Variants in HHLA2 observed in about 807,000 individuals in gnomAD.
HHLA2 encodes the protein HHLA2 member of B7 family.
HHLA2 carries 48 observed loss-of-function variants against 45.9 expected under a neutral mutation model. That is an observed-to-expected ratio of 1.05 (90% confidence interval 0.83 to 1.33). The LOEUF is 1.33. Ranked by LOEUF, HHLA2 falls within the 40% of genes most tolerant of loss-of-function variation. The pLI, the probability that HHLA2 is intolerant of heterozygous loss-of-function variation, is 0.00. For missense variants in HHLA2, 462 were observed against 494.3 expected (o/e 0.93, Z 0.62); for synonymous variants, 161 against 173.9 (o/e 0.93, Z 0.59).
chr3:108,336,209 T>C (rs535710138), intron 3 of HHLA2, among the ~76,000 whole-genome samples: 1 of 152,174 alleles, frequency 6.6e-6, no homozygotes, highest in African/African-American at 2.4e-5. Flanking sequence ...TAGTTAGCCT[T>C]ATGACATTGT....
At chr3:108,364,164 C>CTGGG (rs1183413144) in intron 8 of HHLA2, among the ~76,000 whole-genome samples, 1 of 152,102 alleles carries the variant, frequency 6.6e-6, no homozygotes, top group African/African-American at 2.4e-5. Context: ...CTCCAACAGG[C>CTGGG]CCCAGTGTGT....
chr3:108,320,417 C>A (rs886969572), intron 2 of HHLA2, among the ~76,000 whole-genome samples: 1 of 152,122 alleles, frequency 6.6e-6, no homozygotes, highest in African/African-American at 2.4e-5. Flanking sequence ...AAAGCAATTG[C>A]GGTTTTTGTC....
intron 3 of HHLA2, among the ~76,000 whole-genome samples, chr3:108,335,452 C>A (rs1231421973): frequency 2.0e-5 from 3 of 152,026 alleles, no homozygotes; most frequent in Non-Finnish European, 4.4e-5. Context: ...CAGGGCTAAC[C>A]CTAAAAGACG....
intron 8 of HHLA2, among the ~76,000 whole-genome samples, chr3:108,365,344 C>T (rs573936284): frequency 6.6e-6 from 1 of 152,236 alleles, no homozygotes; most frequent in East Asian, 1.9e-4. Context: ...GTGTTCTGCT[C>T]CATTGGTCTA....
chr3:108,377,453 C>T, exon 11 of HHLA2: 1 of 595,768 alleles, frequency 1.7e-6, no homozygotes, highest in African/African-American at 1.9e-5. Flanking sequence ...ACATACTTTT[C>T]AAGACATCAT....
At chr3:108,362,505 C>G in intron 8 of HHLA2, 59 bp downstream of exon 7, 4 of 1,056,672 alleles carry the variant, frequency 3.8e-6, no homozygotes, top group Non-Finnish European at 5.7e-6. Flanking sequence ...TTAAAGATAA[C>G]ATGGAAATAC....
chr3:108,335,604 A>G (rs1240468906), intron 3 of HHLA2, among the ~76,000 whole-genome samples: 1 of 152,216 alleles, frequency 6.6e-6, no homozygotes, highest in Non-Finnish European at 1.5e-5. Flanking sequence ...AAGAAGATTG[A>G]CTATACAATT....
Position 108,336,474 on chromosome 3 carries a change from T to C in HHLA2, c.-27+8127T>C, listed in dbSNP as rs188081426. Among the ~76,000 whole-genome samples, 9 of 152,308 alleles carry C rather than the reference T, an allele frequency of 5.9e-5. No homozygotes were observed. The East Asian group carries it at 1.7e-3, about 29-fold the overall frequency. The stretch of plus-strand genomic sequence containing the variant: ...CTTAGGGTGACCCATCTCTTGTTAG[T>C]ACTTAAGGAATGCTTTCATCATGTA... On this transcript the variant is annotated intron_variant, in intron 3 of 10. Transcript: ENST00000619531.
chr3:108,370,071 G>A (rs917787955), intron 8 of HHLA2, among the ~76,000 whole-genome samples: 54 of 152,200 alleles, frequency 3.5e-4, no homozygotes, highest in Admixed American at 8.5e-4. Context: ...CAGTAGGGGC[G>A]GACTCACACC....
intron 1 of HHLA2, among the ~76,000 whole-genome samples, chr3:108,302,160 G>T (rs766313124): frequency 2.0e-5 from 3 of 152,254 alleles, no homozygotes; most frequent in Non-Finnish European, 2.9e-5. Flanking sequence ...TTAACATGAA[G>T]ATTAAACAGT....
At chr3:108,318,931 GCTATTTC>G (rs1350214839) in intron 2 of HHLA2, among the ~76,000 whole-genome samples, 1 of 152,030 alleles carries the variant, frequency 6.6e-6, no homozygotes, top group Non-Finnish European at 1.5e-5. Flanking sequence ...TCATTTTGTA[GCTATTTC>G]CTTTTCTCCA....
chr3:108,332,505 A>C (rs1256225702), intron 3 of HHLA2, among the ~76,000 whole-genome samples: 2 of 152,214 alleles, frequency 1.3e-5, no homozygotes, highest in African/African-American at 4.8e-5. Context: ...TGTTCATACA[A>C]TTATTACTTC....
At chr3:108,299,000 C>T (rs1283033944) in intron 1 of HHLA2, among the ~76,000 whole-genome samples, 1 of 152,176 alleles carries the variant, frequency 6.6e-6, no homozygotes, top group Non-Finnish European at 1.5e-5. Flanking sequence ...GAAATGAGAT[C>T]CTTTCTATCT....
intron 2 of HHLA2, among the ~76,000 whole-genome samples, chr3:108,324,484 G>A (rs1326404188): frequency 6.6e-6 from 1 of 152,014 alleles, no homozygotes; most frequent in African/African-American, 2.4e-5. Flanking sequence ...CAAAACAAAA[G>A]CCCACAAGAT....
chr3:108,318,835 G>T (rs1576111873), intron 2 of HHLA2, among the ~76,000 whole-genome samples: 1 of 152,180 alleles, frequency 6.6e-6, no homozygotes, highest in Non-Finnish European at 1.5e-5. Context: ...ATATGGAAGT[G>T]CATTCTCCAA....
At chr3:108,373,095 ACCG>A (rs2082209119) in intron 8 of HHLA2, among the ~76,000 whole-genome samples, 1 of 152,204 alleles carries the variant, frequency 6.6e-6, no homozygotes, top group Non-Finnish European at 1.5e-5. Flanking sequence ...ATATTGGCAA[ACCG>A]AATCCAGCAG....
chr3:108,305,045 G>A (rs74416173), intron 1 of HHLA2, among the ~76,000 whole-genome samples: 9,479 of 152,122 alleles, frequency 0.062, 432 homozygotes, highest in East Asian at 0.23. Flanking sequence ...CATATTCTTT[G>A]TCACATTAAA....
At chr3:108,376,944 C>T (rs764576377) in intron 10 of HHLA2, 14 of 361,792 alleles carry the variant, frequency 3.9e-5, no homozygotes, top group Non-Finnish European at 7.1e-5. Flanking sequence ...TGATTGTATA[C>T]TTCCTTTTTA....
chr3:108,355,489 C>T (rs1560254768), intron 6 of HHLA2, 108 bp downstream of exon 5: 1 of 1,303,148 alleles, frequency 7.7e-7, no homozygotes, highest in South Asian at 1.5e-5. Context: ...AAAGCAAATC[C>T]ATCTGCAGCG....
Sources: gnomAD v4.1 joint callset for allele counts (sites outside exome capture counted in the v4.1 genomes callset) on GRCh38, gnomAD v4.1.1 for gene constraint, MANE v1.5 for transcripts, NCBI Gene and HGNC (gene_info 2026-07-23, HGNC 2026-07-21) for gene names.